Variants in CENPP observed in about 807,000 individuals in gnomAD.
CENPP encodes the protein centromere protein P.
Under a neutral mutation model 35.6 loss-of-function variants are expected in CENPP, and 24 were observed. That is an observed-to-expected ratio of 0.67 (90% confidence interval 0.49 to 0.95). The LOEUF is 0.95. Among genes scored for constraint, CENPP ranks in the 40% least tolerant of loss-of-function variants. CENPP has a pLI of 0.00. For synonymous variants in CENPP, 120 were observed against 125.5 expected (o/e 0.96, Z 0.29); for missense variants, 332 against 345.3 (o/e 0.96, Z 0.31).
At chr9:92,384,360 A>G (rs1842344528) in intron 5 of CENPP, 1 of 152,184 alleles carries the variant, frequency 6.6e-6, no homozygotes, top group South Asian at 2.1e-4. Context: ...ACACAGAGAC[A>G]ACTTGATTTC....
In CENPP at chr9:92,475,120, T is replaced by C. The variant is rs182786867; in HGVS notation, c.564+95261T>C. Among the ~76,000 whole-genome samples, 1,071 of 152,326 alleles carry C rather than the reference T, an allele frequency of 7.0e-3. 10 individuals carry two copies. The highest frequency in any genetic ancestry group is 0.012 in the Admixed American group (187 of 15,296). ...ACTCTAAAAATATCTCTTTTTCAGA[T>C]AGTAATTCTACTTTTTAAAATCTAG... On this transcript the variant is annotated intron_variant, in intron 5 of 7. Coordinates refer to ENST00000375587, the MANE Select transcript of CENPP (RefSeq NM_001012267.3).
chr9:92,369,985 T>C (rs1161220565), intron 4 of CENPP, among the ~76,000 whole-genome samples: 1 of 152,216 alleles, frequency 6.6e-6, no homozygotes, highest in East Asian at 1.9e-4. Context: ...TTTTGAGGTA[T>C]GTGCCCTCCA....
chr9:92,504,874 G>C (rs140100583), intron 5 of CENPP, among the ~76,000 whole-genome samples: 3 of 152,304 alleles, frequency 2.0e-5, no homozygotes, highest in African/African-American at 7.2e-5. Flanking sequence ...GAGGGGTGTT[G>C]ACATTCATCA....
rs144053352 is a variant in CENPP at position 92,492,662 on chromosome 9, G to A, written c.564+112803G>A. On this transcript the variant is annotated intron_variant, in intron 5 of 7. Coordinates refer to ENST00000375587, the MANE Select transcript of CENPP (RefSeq NM_001012267.3). ...TATACCCTCCGGTTGAGCATCAGCC[G>A]CCCAGGTTCGGACCTTTTATTAGGC... Among the ~76,000 whole-genome samples the A allele has an allele frequency of 2.1e-3, 318 of 152,214 alleles. 4 individuals are homozygous for A. Among genetic ancestry groups the A allele is most frequent in the South Asian group, 0.017 (84 of 4,812 alleles).
intron 5 of CENPP, among the ~76,000 whole-genome samples, chr9:92,575,134 A>G (rs1438750057): frequency 6.6e-6 from 1 of 152,226 alleles, no homozygotes; most frequent in Non-Finnish European, 1.5e-5. Context: ...AAGCTTCACT[A>G]CATTGGATTT....
chr9:92,547,169 G>T (rs1849484128), intron 5 of CENPP, among the ~76,000 whole-genome samples: 1 of 152,096 alleles, frequency 6.6e-6, no homozygotes, highest in African/African-American at 2.4e-5. Flanking sequence ...AAAAATTTTT[G>T]ATAAAATTCA....
intron 5 of CENPP, chr9:92,385,851 T>C: frequency 6.4e-7 from 1 of 1,550,712 alleles, no homozygotes; most frequent in Non-Finnish European, 8.9e-7. Flanking sequence ...ATATGCTATA[T>C]AATGGGTAAA....
intron 5 of CENPP, among the ~76,000 whole-genome samples, chr9:92,508,062 C>T (rs1847110868): frequency 6.6e-6 from 1 of 152,168 alleles, no homozygotes; most frequent in Non-Finnish European, 1.5e-5. Flanking sequence ...GAGTGAGGAG[C>T]CACCCCAAGA....
At chr9:92,359,453 G>C (rs1841682244) in intron 4 of CENPP, among the ~76,000 whole-genome samples, 1 of 151,974 alleles carries the variant, frequency 6.6e-6, no homozygotes, top group Non-Finnish European at 1.5e-5. Flanking sequence ...TTAACCTGAG[G>C]TATAAACTTA....
Position 92,496,055 on chromosome 9 carries a change from G to A in CENPP, c.565-115259G>A, listed in dbSNP as rs1846329031. On this transcript the variant is annotated intron_variant, in intron 5 of 7. Transcript: ENST00000375587. ...AGACTCTTCTGGTCTAGCTCAGTAT[G>A]CATAATATCCTATTCTAGTGAGATG... 2.8e-6 allele frequency: 3 copies of A among 1,076,806 alleles called. No homozygotes were observed. The South Asian group carries it at 1.1e-4, about 40-fold the overall frequency. The allele number at this position is 1,076,806 out of a possible 1,614,324, so 66.7% of individuals were successfully genotyped here. A position where few individuals can be genotyped will look rare whatever the true frequency, so the allele number is the denominator to read the frequency against.
At chr9:92,471,199 CT>C (rs373674313) in intron 5 of CENPP, among the ~76,000 whole-genome samples, 4,992 of 140,716 alleles carry the variant, frequency 0.035, 97 homozygotes, top group South Asian at 0.073. Context: ...ATTTTTCTTT[CT>C]TTTTTTTTTT....
Position 92,452,952 on chromosome 9 carries a change from TTA to T in CENPP, c.564+73095_564+73096del, listed in dbSNP as rs1281932096. ...TGTGGGATCGGTGGTGATATCCCCT[TTA>T]TCATTTTTTATTGCGTCTATTTGAA... On this transcript the variant is annotated intron_variant, in intron 5 of 7. Transcript: ENST00000375587. Among the ~76,000 whole-genome samples the T allele has an allele frequency of 2.0e-5, 3 of 152,164 alleles. No homozygotes were observed. The East Asian group carries it at 5.8e-4, about 29-fold the overall frequency.
intron 5 of CENPP, chr9:92,456,965 T>C (rs1401226161): frequency 9.2e-7 from 1 of 1,083,980 alleles, no homozygotes; most frequent in Non-Finnish European, 1.1e-6. Context: ...CTTTTTAAAA[T>C]ATGCTTGATA....
At position 92,332,339 on chromosome 9, in the gene CENPP, A is replaced by T; in HGVS notation, c.277A>T (p.Met93Leu). The T allele has an allele frequency of 1.3e-6, 2 of 1,582,754 alleles. No homozygotes were observed. The highest frequency in any genetic ancestry group is 1.7e-6 in the Non-Finnish European group (2 of 1,166,862). Residue 93 changes from methionine (M) to leucine (L), a missense_variant, in exon 2 of 8, where the codon ATG becomes TTG. Transcript: ENST00000375587. ...GACAGAAGACCTAACAAGCACTGAG[A>T]TGACAGAAAAGAGTAAGCATTTTTT... ...KQTEDLTSTE[M>L]TEKSIRKVLQ... is the part of the protein sequence containing the mutation.
At chr9:92,611,280 T>G (rs1012925848) in intron 5 of CENPP, 34 bp from the exon 6 acceptor site, 42 of 1,568,296 alleles carry the variant, frequency 2.7e-5, no homozygotes, top group Non-Finnish European at 3.7e-5. Context: ...TCCCCACCAG[T>G]GGATCTGTCT....
chr9:92,563,513 TA>T (rs765677679), intron 5 of CENPP, among the ~76,000 whole-genome samples: 20 of 152,238 alleles, frequency 1.3e-4, no homozygotes, highest in Non-Finnish European at 2.8e-4. Flanking sequence ...TGTCTCTGTG[TA>T]AAACAGTGTG....
At chr9:92,436,468 A>G (rs1203641784) in intron 5 of CENPP, among the ~76,000 whole-genome samples, 1 of 152,212 alleles carries the variant, frequency 6.6e-6, no homozygotes, top group Non-Finnish European at 1.5e-5. Context: ...GTCATATCTA[A>G]GAACTCTTTA....
intron 5 of CENPP, among the ~76,000 whole-genome samples, chr9:92,514,428 C>A (rs1296331792): frequency 6.6e-6 from 1 of 152,024 alleles, no homozygotes; most frequent in African/African-American, 2.4e-5. Flanking sequence ...GCATGCCCCA[C>A]CACGCCCGGC....
chr9:92,581,301 G>A (rs556040150), intron 5 of CENPP, among the ~76,000 whole-genome samples: 1 of 152,134 alleles, frequency 6.6e-6, no homozygotes, highest in South Asian at 2.1e-4. Context: ...ATTACATTTT[G>A]TGTTTTTTTC....
Sources: gnomAD v4.1 joint callset for allele counts (sites outside exome capture counted in the v4.1 genomes callset) on GRCh38, gnomAD v4.1.1 for gene constraint, MANE v1.5 for transcripts, NCBI Gene and HGNC (gene_info 2026-07-23, HGNC 2026-07-21) for gene names.